AUTS2: variants seen among roughly 807,000 people sequenced by gnomAD.
The protein encoded by AUTS2 is activator of transcription and developmental regulator AUTS2.
AUTS2 carries 17 observed loss-of-function variants against 112.4 expected under a neutral mutation model. That is an observed-to-expected ratio of 0.15 (90% CI 0.10 to 0.23). The LOEUF is 0.23. Ranked by LOEUF, AUTS2 falls within the 10% of genes least tolerant of loss-of-function variation. The pLI is 1.00. For synonymous variants in AUTS2, 751 were observed against 702.7 expected (o/e 1.07, Z -1.09); for missense variants, 1,510 against 1,701.6 (o/e 0.89, Z 1.98).
rs140281378 is a variant in AUTS2, at chr7:70,325,924, T to A, written c.661-109828T>A. 5.1e-4 allele frequency among the ~76,000 whole-genome samples: 77 copies of A among 152,292 alleles called. No individual in the cohort carries two copies. The Middle Eastern group carries it at 0.01, about 20-fold the overall frequency. On this transcript the variant is annotated intron_variant, in intron 4 of 18. Coordinates refer to ENST00000342771, the MANE Select transcript of AUTS2 (RefSeq NM_015570.4). ...ATCTAACAACACCATGGGCCTCAGCTCTGAAGCCCCTCCCTTGGTGACTCA... is the reference window on the plus strand; with the variant it reads ...ATCTAACAACACCATGGGCCTCAGCACTGAAGCCCCTCCCTTGGTGACTCA...
At chr7:70,085,535 T>C (rs1045931162) in intron 2 of AUTS2, among the ~76,000 whole-genome samples, 5 of 152,092 alleles carry the variant, frequency 3.3e-5, no homozygotes, top group African/African-American at 1.2e-4. Context: ...CCAGCTAATT[T>C]TTGTATTTTT....
At chr7:69,929,095 A>C (rs1031957911) in intron 2 of AUTS2, among the ~76,000 whole-genome samples, 4 of 152,188 alleles carry the variant, frequency 2.6e-5, no homozygotes, top group Admixed American at 6.5e-5. Flanking sequence ...GTATGCCTGA[A>C]AACATCTTCA....
intron 1 of AUTS2, among the ~76,000 whole-genome samples, chr7:69,876,658 G>A (rs377558238): frequency 6.7e-6 from 1 of 149,992 alleles, no homozygotes; most frequent in East Asian, 2.0e-4. Flanking sequence ...TTGTATCCTA[G>A]GAGTAGGGAT....
intron 4 of AUTS2, among the ~76,000 whole-genome samples, chr7:70,225,639 TAATGAAA>T (rs1166373066): frequency 6.6e-6 from 1 of 152,174 alleles, no homozygotes; most frequent in Non-Finnish European, 1.5e-5. Flanking sequence ...GATAGTTTAC[TAATGAAA>T]AATGTTATAT....
At chr7:70,662,612 G>A (rs529974774) in intron 5 of AUTS2, among the ~76,000 whole-genome samples, 1 of 152,262 alleles carries the variant, frequency 6.6e-6, no homozygotes, top group South Asian at 2.1e-4. Context: ...TCCCAAATGA[G>A]GAAATAATAA....
At chr7:70,066,854 T>C (rs545641831) in intron 2 of AUTS2, among the ~76,000 whole-genome samples, 2 of 152,322 alleles carry the variant, frequency 1.3e-5, no homozygotes, top group South Asian at 2.1e-4. Context: ...GTAAATAATT[T>C]TAAGAATCTT....
chr7:70,691,430 A>C (rs1808750325), intron 5 of AUTS2, among the ~76,000 whole-genome samples: 1 of 152,134 alleles, frequency 6.6e-6, no homozygotes, highest in Non-Finnish European at 1.5e-5. Flanking sequence ...GAAAAAAAAA[A>C]AAAACAATCT....
intron 6 of AUTS2, among the ~76,000 whole-genome samples, chr7:70,759,073 C>A (rs57950124): frequency 0.02 from 3,089 of 152,282 alleles, 113 homozygotes; most frequent in African/African-American, 0.069. Flanking sequence ...GTGTTACAGC[C>A]ACTCTTTGTA....
At chr7:70,283,767 TTG>T (rs1182823123) in intron 4 of AUTS2, among the ~76,000 whole-genome samples, 1 of 152,092 alleles carries the variant, frequency 6.6e-6, no homozygotes, top group Non-Finnish European at 1.5e-5. Flanking sequence ...CCCTAGTTTG[TTG>T]AGTTTTCAAA....
chr7:70,243,210 TAGAG>T (rs1279312599), intron 4 of AUTS2, among the ~76,000 whole-genome samples: 4 of 149,172 alleles, frequency 2.7e-5, no homozygotes, highest in East Asian at 3.9e-4. Context: ...CTTTAAAAAA[TAGAG>T]AGGAAAGAAT....
intron 4 of AUTS2, among the ~76,000 whole-genome samples, chr7:70,142,190 G>A (rs1442377306): frequency 2.0e-5 from 3 of 152,166 alleles, no homozygotes; most frequent in Non-Finnish European, 4.4e-5. Context: ...ATGGATGTGG[G>A]GAAATAGCCC....
chr7:70,556,494 A>G (rs1801255078), intron 5 of AUTS2, among the ~76,000 whole-genome samples: 1 of 152,212 alleles, frequency 6.6e-6, no homozygotes, highest in African/African-American at 2.4e-5. Flanking sequence ...GGTTGTGACA[A>G]TCGCAGCTGT....
chr7:70,666,012 G>A (rs1807330730), intron 5 of AUTS2, among the ~76,000 whole-genome samples: 1 of 152,144 alleles, frequency 6.6e-6, no homozygotes, highest in Admixed American at 6.5e-5. Flanking sequence ...CCTCTGAGCT[G>A]GAGCTTACTG....
At chr7:70,055,845 C>G (rs1160432533) in intron 2 of AUTS2, among the ~76,000 whole-genome samples, 1 of 152,096 alleles carries the variant, frequency 6.6e-6, no homozygotes. Flanking sequence ...TTCTTCCTAT[C>G]TAATTTTTTT....
At chr7:70,013,240 G>A (rs1799884199) in intron 2 of AUTS2, among the ~76,000 whole-genome samples, 1 of 152,144 alleles carries the variant, frequency 6.6e-6, no homozygotes, top group African/African-American at 2.4e-5. Context: ...AAAGCTGATG[G>A]TAACAATTTA....
At chr7:69,889,049 T>A (rs1218622042) in intron 1 of AUTS2, among the ~76,000 whole-genome samples, 1 of 152,194 alleles carries the variant, frequency 6.6e-6, no homozygotes, top group Non-Finnish European at 1.5e-5. Context: ...GGCATCCTAA[T>A]TTCACAAGTT....
chr7:69,827,593 G>C (rs1791308491), intron 1 of AUTS2, among the ~76,000 whole-genome samples: 1 of 152,148 alleles, frequency 6.6e-6, no homozygotes, highest in African/African-American at 2.4e-5. Flanking sequence ...CTTGGCCAGG[G>C]GAAAGGTGTA....
At chr7:70,399,467 A>G (rs923783005) in intron 4 of AUTS2, among the ~76,000 whole-genome samples, 1 of 151,968 alleles carries the variant, frequency 6.6e-6, no homozygotes, top group Admixed American at 6.6e-5. Flanking sequence ...TGCATTCTCT[A>G]CATTCTCAGT....
chr7:70,190,061 T>C (rs147738156), intron 4 of AUTS2, among the ~76,000 whole-genome samples: 2 of 152,332 alleles, frequency 1.3e-5, no homozygotes, highest in East Asian at 3.9e-4. Context: ...TTTAGATTGC[T>C]TCTGAGAACA....
Sources: gnomAD v4.1 joint callset for allele counts (sites outside exome capture counted in the v4.1 genomes callset) on GRCh38, gnomAD v4.1.1 for gene constraint, MANE v1.5 for transcripts, NCBI Gene and HGNC (gene_info 2026-07-23, HGNC 2026-07-21) for gene names.